The following SH3D19 variants were observed in gnomAD, a reference collection of about 807,000 sequenced individuals.
The protein encoded by SH3D19 is SH3 domain containing 19.
SH3D19 carries 58 observed loss-of-function variants against 112.1 expected under a neutral mutation model. The observed-to-expected ratio is 0.52, with a 90% confidence interval of 0.42 to 0.64. SH3D19 has a LOEUF of 0.64. Ranked by LOEUF, SH3D19 falls within the 30% of genes least tolerant of loss-of-function variation. The probability of loss-of-function intolerance (pLI) is 0.00; values close to 1 mark genes in which losing one functional copy is unlikely to be tolerated. For synonymous variants in SH3D19, 391 were observed against 448.5 expected (o/e 0.87, Z 1.62); for missense variants, 1,090 against 1,263.4 (o/e 0.86, Z 2.08).
intron 1 of SH3D19, among the ~76,000 whole-genome samples, chr4:151,316,340 C>G (rs1375957802): frequency 1.3e-5 from 2 of 152,088 alleles, no homozygotes; most frequent in Non-Finnish European, 2.9e-5. Flanking sequence ...GATATGACAA[C>G]TAAATGTAAT....
chr4:151,253,512 G>A (rs997827263), intron 1 of SH3D19, among the ~76,000 whole-genome samples: 4 of 152,146 alleles, frequency 2.6e-5, no homozygotes, highest in East Asian at 1.9e-4. Context: ...AGGCCTAGGC[G>A]GGCGGATCAC....
intron 1 of SH3D19, among the ~76,000 whole-genome samples, chr4:151,251,093 T>C (rs1238497672): frequency 6.6e-6 from 1 of 152,166 alleles, no homozygotes; most frequent in Non-Finnish European, 1.5e-5. Flanking sequence ...ACTACTTCCA[T>C]GGTCTTCCTG....
chr4:151,203,807 T>C (rs1195990908), intron 2 of SH3D19, among the ~76,000 whole-genome samples: 3 of 152,240 alleles, frequency 2.0e-5, no homozygotes, highest in African/African-American at 7.2e-5. Context: ...TTTCTCTTAC[T>C]GAAATAATTC....
chr4:151,275,838 TATTA>T lies in SH3D19; in HGVS notation c.112+49399_112+49402del, dbSNP rs1180044063. Among the ~76,000 whole-genome samples, 74 of 65,022 alleles carry T rather than the reference TATTA, an allele frequency of 1.1e-3. 1 individual carries two copies. The highest frequency in any genetic ancestry group is 2.6e-3 in the East Asian group (8 of 3,096). The allele number at this position is 65,022 out of a possible 152,430, so 42.7% of individuals were successfully genotyped here. On this transcript the variant is annotated intron_variant, in intron 1 of 19. Coordinates refer to ENST00000604030, the MANE Select transcript of SH3D19 (RefSeq NM_001378122.1). ...GCCCAGCCACTTCTATTATTATTAT[TATTA>T]TTATTATTTTTTTTTTTTTAGACGG...
At chr4:151,322,185 A>G (rs969142377) in intron 1 of SH3D19, among the ~76,000 whole-genome samples, 1 of 152,098 alleles carries the variant, frequency 6.6e-6, no homozygotes, top group African/African-American at 2.4e-5. Flanking sequence ...GCAGTGGCTC[A>G]CACCTGTAAT....
chr4:151,154,916 C>T (rs1755793255), intron 9 of SH3D19, among the ~76,000 whole-genome samples: 1 of 151,980 alleles, frequency 6.6e-6, no homozygotes, highest in South Asian at 2.1e-4. Flanking sequence ...CATCACCATG[C>T]CTGGCTAATT....
At chr4:151,157,344 C>T (rs1756311676) in intron 9 of SH3D19, among the ~76,000 whole-genome samples, 1 of 151,816 alleles carries the variant, frequency 6.6e-6, no homozygotes, top group African/African-American at 2.4e-5. Flanking sequence ...AATGCTCAAC[C>T]TCACTAATCA....
chr4:151,297,923 G>A (rs1327063177), intron 1 of SH3D19, among the ~76,000 whole-genome samples: 1 of 152,148 alleles, frequency 6.6e-6, no homozygotes, highest in African/African-American at 2.4e-5. Flanking sequence ...TCAGGGCCAG[G>A]TATACTAATG....
chr4:151,302,803 G>A (rs1415842326), intron 1 of SH3D19, among the ~76,000 whole-genome samples: 1 of 151,788 alleles, frequency 6.6e-6, no homozygotes, highest in East Asian at 1.9e-4. Flanking sequence ...ATGTTCATAG[G>A]TGGGAACTGA....
intron 1 of SH3D19, among the ~76,000 whole-genome samples, chr4:151,254,390 A>G (rs922161458): frequency 2.7e-5 from 4 of 150,330 alleles, no homozygotes; most frequent in African/African-American, 7.3e-5. Context: ...GCAGGGTCAT[A>G]GGACAATAGT....
intron 1 of SH3D19, chr4:151,226,507 G>A: frequency 1.0e-6 from 1 of 985,844 alleles, no homozygotes; most frequent in Non-Finnish European, 1.2e-6. Flanking sequence ...GGGGAAAAAT[G>A]AGCAGTCAGC....
At chr4:151,287,083 G>A (rs1488259132) in intron 1 of SH3D19, among the ~76,000 whole-genome samples, 1 of 151,642 alleles carries the variant, frequency 6.6e-6, no homozygotes, top group Non-Finnish European at 1.5e-5. Flanking sequence ...GCTCACACCT[G>A]TAATCCCAGC....
intron 1 of SH3D19, among the ~76,000 whole-genome samples, chr4:151,295,086 A>G (rs1014820968): frequency 6.6e-6 from 1 of 152,242 alleles, no homozygotes; most frequent in African/African-American, 2.4e-5. Flanking sequence ...AACTGAGACC[A>G]GAAAGAAAGG....
intron 7 of SH3D19, among the ~76,000 whole-genome samples, chr4:151,172,661 A>C (rs530390456): frequency 4.7e-4 from 72 of 152,184 alleles, no homozygotes; most frequent in Non-Finnish European, 7.9e-4. Context: ...TTACGTCTAA[A>C]CAAATGAGGA....
At position 151,139,863 on chromosome 4, in the gene SH3D19, G is replaced by A; in HGVS notation, c.2224-16C>T. ...GGCTTGGATCCTTAGGGGGAGAAAA[G>A]GGCTGTGAATGAAGTGTGCAGGATA... On this transcript the variant is annotated splice_polypyrimidine_tract_variant and intron_variant, in intron 12 of 19. Transcript: ENST00000604030. The A allele has an allele frequency of 6.2e-7, 1 of 1,613,490 alleles. No individual in the cohort carries two copies.
At chr4:151,310,809 C>T (rs776853398) in intron 1 of SH3D19, among the ~76,000 whole-genome samples, 4 of 151,262 alleles carry the variant, frequency 2.6e-5, no homozygotes, top group East Asian at 2.0e-4. Context: ...TGACCTTAAG[C>T]GATCCACCCA....
At chr4:151,161,494 T>C (rs1480420496) in intron 8 of SH3D19, among the ~76,000 whole-genome samples, 2 of 152,060 alleles carry the variant, frequency 1.3e-5, no homozygotes, top group East Asian at 1.9e-4. Flanking sequence ...TTTGGCAGTA[T>C]AGAATTCAAC....
At chr4:151,144,554 G>C (rs1055067732) in intron 11 of SH3D19, 7 of 461,998 alleles carry the variant, frequency 1.5e-5, no homozygotes, top group South Asian at 1.3e-4. Flanking sequence ...AGGAAGTTCT[G>C]TTCTACAGGA....
chr4:151,291,198 T>C (rs373488314), intron 1 of SH3D19: 1 of 1,613,916 alleles, frequency 6.2e-7, no homozygotes, highest in South Asian at 1.1e-5. Flanking sequence ...GATTAGAATG[T>C]GGTAAATCTC....
Sources: gnomAD v4.1 joint callset for allele counts (sites outside exome capture counted in the v4.1 genomes callset) on GRCh38, gnomAD v4.1.1 for gene constraint, MANE v1.5 for transcripts, NCBI Gene and HGNC (gene_info 2026-07-23, HGNC 2026-07-21) for gene names.